Variants in FAM229B observed in about 807,000 individuals in gnomAD.
FAM229B encodes the protein family with sequence similarity 229 member B.
FAM229B carries 2 observed loss-of-function variants against 6.7 expected under a neutral mutation model. The observed-to-expected ratio is 0.30, with a 90% CI of 0.12 to 0.94. The LOEUF (loss-of-function observed/expected upper bound fraction) is 0.94, where lower values mean the gene tolerates loss of function less well. Among genes scored for constraint, FAM229B ranks in the 40% least tolerant of loss-of-function variants. FAM229B has a pLI of 0.54. For synonymous variants in FAM229B, 29 were observed against 34.0 expected (o/e 0.85, Z 0.51); for missense variants, 93 against 96.2 (o/e 0.97, Z 0.14).
Position 112,102,619 on chromosome 6 carries a change from G to GTAGGGT in FAM229B, c.*1843_*1848dup, listed in dbSNP as rs1350872614. 3 of 152,152 alleles carry GTAGGGT rather than the reference G, an allele frequency of 2.0e-5. No individual in the cohort carries two copies. The highest frequency in any genetic ancestry group is 2.0e-4 in the Admixed American group (3 of 15,274). 9.4% of individuals were successfully genotyped at this position (152,152 alleles called of 1,614,324 possible). Reference sequence around the variant, plus strand: ...GAGTCTTCAGCAAAATATTGGCAAAGTAGGGTTAGGGTTAGGTTAGGGAGA... The same window carrying GTAGGGT: ...GAGTCTTCAGCAAAATATTGGCAAAGTAGGGTTAGGGTTAGGGTTAGGTTAGGGAGA... On this transcript the variant is annotated 3_prime_UTR_variant, in exon 4 of 4. Coordinates refer to ENST00000368656, the MANE Select transcript of FAM229B (RefSeq NM_001033564.3).
chr6:112,097,620 G>A (rs587611847), intron 2 of FAM229B, among the ~76,000 whole-genome samples: 143 of 151,838 alleles, frequency 9.4e-4, no homozygotes, highest in African/African-American at 3.3e-3. Flanking sequence ...AAAACATTGT[G>A]TACTAATAGT....
chr6:112,097,689 G>A (rs1777345605), intron 2 of FAM229B, among the ~76,000 whole-genome samples: 1 of 152,078 alleles, frequency 6.6e-6, no homozygotes, highest in East Asian at 1.9e-4. Flanking sequence ...AAAACATTGT[G>A]TACTAATAGT....
At chr6:112,088,995 G>T (rs1399305216) in intron 1 of FAM229B, among the ~76,000 whole-genome samples, 12 of 152,316 alleles carry the variant, frequency 7.9e-5, no homozygotes, top group African/African-American at 2.9e-4. Context: ...CTGCTTAAGA[G>T]CCAAGCAAGG....
At chr6:112,098,306 T>A (rs6931991) in intron 2 of FAM229B, among the ~76,000 whole-genome samples, 46,353 of 152,016 alleles carry the variant, frequency 0.3, 7,577 homozygotes, top group African/African-American at 0.43. Flanking sequence ...GGTAGGGAAG[T>A]GTTCCAAGGT....
At chr6:112,097,593 T>C (rs184515063) in intron 2 of FAM229B, among the ~76,000 whole-genome samples, 138 of 152,066 alleles carry the variant, frequency 9.1e-4, no homozygotes, top group Middle Eastern at 3.4e-3. Flanking sequence ...GTTGAAAACA[T>C]TGTGTACTAA....
chr6:112,100,470 CGTCA>C (rs1777381868), intron 3 of FAM229B, among the ~76,000 whole-genome samples, 196 bp from the exon 4 acceptor site: 1 of 152,112 alleles, frequency 6.6e-6, no homozygotes, highest in African/African-American at 2.4e-5. Flanking sequence ...TAAATATGTA[CGTCA>C]GAGGCCACAA....
At chr6:112,095,817 C>T (rs1777318120) in intron 1 of FAM229B, among the ~76,000 whole-genome samples, 1 of 152,034 alleles carries the variant, frequency 6.6e-6, no homozygotes, top group Non-Finnish European at 1.5e-5. Context: ...TACCTTAGCT[C>T]ACAATGGCCA....
intron 1 of FAM229B, among the ~76,000 whole-genome samples, chr6:112,095,762 T>A (rs1487063760): frequency 1.3e-5 from 2 of 151,132 alleles, no homozygotes; most frequent in South Asian, 4.2e-4. Context: ...TGTAAACTAT[T>A]ACATTTTTTG....
rs73541432 is a variant in FAM229B, at chr6:112,094,045, G to A, written c.-175-2996G>A. ...TACAAAATTAAAAAATTTGTGGAAT[G>A]CAGCTAAAGGAGTGCTTTGATGGAA... On this transcript the variant is annotated intron_variant, in intron 1 of 3. Transcript: ENST00000368656. 4.9e-3 allele frequency among the ~76,000 whole-genome samples: 746 copies of A among 152,166 alleles called. 6 individuals carry two copies. Among genetic ancestry groups the A allele is most frequent in the African/African-American group, 0.018 (728 of 41,534 alleles).
intron 1 of FAM229B, among the ~76,000 whole-genome samples, chr6:112,089,745 C>G (rs1344371576): frequency 6.6e-6 from 1 of 151,820 alleles, no homozygotes; most frequent in African/African-American, 2.4e-5. Context: ...AATAACAATA[C>G]TAGGCAAAAC....
At chr6:112,088,893 G>A (rs1389469843) in intron 1 of FAM229B, among the ~76,000 whole-genome samples, 1 of 152,122 alleles carries the variant, frequency 6.6e-6, no homozygotes, top group Non-Finnish European at 1.5e-5. Context: ...CCTTCATGCA[G>A]TCCCAGTCAT....
At chr6:112,093,816 C>A (rs898661097) in intron 1 of FAM229B, among the ~76,000 whole-genome samples, 2 of 151,882 alleles carry the variant, frequency 1.3e-5, no homozygotes, top group East Asian at 1.9e-4. Flanking sequence ...AGTTTATATT[C>A]TGGCTATAAA....
rs1777404749 is a variant in FAM229B, at chr6:112,102,011, A to G, written c.*1224A>G. On this transcript the variant is annotated 3_prime_UTR_variant, in exon 4 of 4. Transcript: ENST00000368656. ...CTGGAGCTAGACTAAAGGCTAATGT[A>G]TACCAATTTTAAGAAAGCTTAAAAA... 6.6e-6 allele frequency: 1 copy of G among 152,232 alleles called. No homozygotes were observed. The allele number at this position is 152,232 out of a possible 1,614,324, so 9.4% of individuals were successfully genotyped here.
rs1204753137 is a variant in FAM229B at position 112,099,397 on chromosome 6, G to A, written c.114G>A (p.Met38Ile). The part of the protein sequence containing the change: ...SSSAACNGKE[M>I]SPTRQLRRCP... ...GTGCTGCCTGTAATGGGAAGGAGAT[G>A]TCACCAACCAGGTAAAGTCTTCTGT... The change falls in exon 3 of 4, where the codon ATG (methionine) becomes ATA (isoleucine). Residue 38 changes from methionine (M) to isoleucine (I), a missense_variant. Physicochemically the swap from Met to Ile is conservative, Grantham distance 10. Transcript: ENST00000368656. The A allele has an allele frequency of 5.0e-6, 8 of 1,613,178 alleles. No homozygotes were observed. The Admixed American group carries it at 1.2e-4, about 24-fold the overall frequency.
chr6:112,099,537 C>A, intron 3 of FAM229B, 129 bp downstream of exon 3: 2 of 909,838 alleles, frequency 2.2e-6, no homozygotes, highest in Non-Finnish European at 3.2e-6. Context: ...TCTAAGTTAG[C>A]GTATTAACAG....
chr6:112,094,816 T>G (rs1361471402), intron 1 of FAM229B, among the ~76,000 whole-genome samples: 1 of 152,208 alleles, frequency 6.6e-6, no homozygotes, highest in Non-Finnish European at 1.5e-5. Flanking sequence ...GAAAGACTAT[T>G]ACTCTTGAGC....
chr6:112,089,730 A>G (rs587767598), intron 1 of FAM229B, among the ~76,000 whole-genome samples: 3 of 152,322 alleles, frequency 2.0e-5, no homozygotes, highest in African/African-American at 7.2e-5. Context: ...GGAAAGTCTT[A>G]AAATAATAAC....
chr6:112,095,636 AAAAAAAAAAAAAAAAAAAAAAAAACC>A (rs1272119078), intron 1 of FAM229B, among the ~76,000 whole-genome samples: 55 of 61,420 alleles, frequency 9.0e-4, no homozygotes, highest in African/African-American at 4.2e-3. Flanking sequence ...ACCCTGTCTC[AAAAAAAAAAAAAAAAAAAAAAAAACC>A]AAAAAAAAAA....
At chr6:112,099,144 T>G in intron 2 of FAM229B, 126 bp from the exon 3 acceptor site, 1 of 820,264 alleles carries the variant, frequency 1.2e-6, no homozygotes, top group Non-Finnish European at 1.9e-6. Flanking sequence ...CACTCCAGCC[T>G]GGCCAACATA....
Sources: gnomAD v4.1 joint callset for allele counts (sites outside exome capture counted in the v4.1 genomes callset) on GRCh38, gnomAD v4.1.1 for gene constraint, MANE v1.5 for transcripts, NCBI Gene and HGNC (gene_info 2026-07-23, HGNC 2026-07-21) for gene names.